Variants in ADGRF3 observed in about 807,000 individuals in gnomAD.
ADGRF3 encodes adhesion G protein-coupled receptor F3.
Under a neutral mutation model 93.2 loss-of-function variants are expected in ADGRF3, and 85 were observed. The ratio of observed to expected loss-of-function variants is 0.91; its 90% confidence interval spans 0.77 to 1.09. ADGRF3 has a LOEUF of 1.09. Ranked by LOEUF, ADGRF3 falls within the 50% of genes least tolerant of loss-of-function variation. The pLI, the probability that ADGRF3 is intolerant of heterozygous loss-of-function variation, is 0.00. For synonymous variants in ADGRF3, 534 were observed against 532.5 expected, an observed-to-expected ratio of 1.00 and a Z score of -0.04; for missense variants, 1,125 against 1,246.2, an observed-to-expected ratio of 0.90 and a Z score of 1.46.
rs919607564 is a variant in ADGRF3, at chr2:26,346,516, TAGG to T, written c.-285_-283del. The T allele has an allele frequency of 1.9e-5, 9 of 484,718 alleles. No homozygotes were observed. Among genetic ancestry groups the T allele is most frequent in the African/African-American group, 1.9e-4 (9 of 48,516 alleles). The allele number at this position is 484,718 out of a possible 1,614,324, so 30.0% of individuals were successfully genotyped here. ...ACCCCCCGGGAGATTTCCTTTTCCT[TAGG>T]AGAGCGCTCAGTGATCATGGAGCGA... is the stretch of plus-strand genomic sequence containing the variant. On this transcript the variant is annotated 5_prime_UTR_variant, in exon 1 of 14. Transcript: ENST00000651242.
chr2:26,313,029 C>T lies in ADGRF3; in HGVS notation c.1363G>A (p.Asp455Asn), dbSNP rs1236433003. ...GQAAEASSPS[D>N]LLTLLSTMKY... Reference sequence around the variant, plus strand: ...ATGGTGCTCAGCAGGGTCAGTAAGTCGGAGGGTGAACTTGCCTCTGCCGCC... The same window carrying T: ...ATGGTGCTCAGCAGGGTCAGTAAGTTGGAGGGTGAACTTGCCTCTGCCGCC... Residue 455 changes from aspartate to asparagine, a missense_variant, in exon 9 of 14, where the codon GAC (aspartate) becomes AAC (asparagine). Coordinates refer to ENST00000651242, the MANE Select transcript of ADGRF3 (RefSeq NM_001321971.2). 3.7e-6 allele frequency: 6 copies of T among 1,613,922 alleles called. No individual in the cohort carries two copies. The African/African-American group carries it at 4.0e-5, about 11-fold the overall frequency.
chr2:26,309,709 T>C (rs1346831053), intron 12 of ADGRF3, 128 bp from the exon 13 acceptor site: 2 of 1,379,534 alleles, frequency 1.4e-6, no homozygotes, highest in African/African-American at 2.9e-5. Context: ...CCTAGAAATT[T>C]TGCTCTCAGC....
At chr2:26,323,146 A>T (rs960126666) in intron 1 of ADGRF3, among the ~76,000 whole-genome samples, 3 of 152,214 alleles carry the variant, frequency 2.0e-5, no homozygotes, top group African/African-American at 7.2e-5. Context: ...CTCAAAAAAA[A>T]ATCTATATAT....
chr2:26,313,564 A>T lies in ADGRF3; in HGVS notation c.1082T>A (p.Ile361Asn), dbSNP rs1386121998. The change falls in exon 8 of 14, where the codon ATC becomes AAC. Residue 361 changes from isoleucine to asparagine, a missense_variant. Ile to Asn is a moderately radical substitution (Grantham distance 149). Transcript: ENST00000651242. ...ISITIIQDGD[I>N]TCPEDASVLT... ...CACCGAGGCGTCCTCAGGGCAGGTG[A>T]TGTCTCCATCTGAAGAATGACGAGC... 1.2e-6 allele frequency: 2 copies of T among 1,605,626 alleles called. No homozygotes were observed. Among genetic ancestry groups the T allele is most frequent in the Non-Finnish European group, 1.7e-6 (2 of 1,177,802 alleles).
At position 26,334,361 on chromosome 2, in the gene ADGRF3, G is replaced by T. The variant is rs542209069; in HGVS notation, c.114+11760C>A. On this transcript the variant is annotated intron_variant, in intron 1 of 13. Transcript: ENST00000651242. ...AATCCTAATTTTCCCTGTGGTTTTTGAGCTATTTTCTTATTTGCAAGCCTT... is the reference window on the plus strand; with the variant it reads ...AATCCTAATTTTCCCTGTGGTTTTTTAGCTATTTTCTTATTTGCAAGCCTT... 7.8e-4 allele frequency among the ~76,000 whole-genome samples: 117 copies of T among 149,574 alleles called. 1 individual carries two copies. The highest frequency in any genetic ancestry group is 2.6e-3 in the African/African-American group (108 of 40,876).
At position 26,311,406 on chromosome 2, in the gene ADGRF3, A is replaced by G; in HGVS notation, c.2118T>C (p.Thr706=). ...VPEEPALALL[T]QVGLGASILA... ...GTATGGAAGCTCCCAAGCCCACTTG[A>G]GTCAGCAGCGCCAGAGCGGGTTCTT... Residue 706 remains threonine (T), a synonymous_variant, in exon 10 of 14, where the codon ACT becomes ACC. Transcript: ENST00000651242. 3.7e-6 allele frequency: 6 copies of G among 1,614,020 alleles called. No homozygotes were observed. The highest frequency in any genetic ancestry group is 5.1e-6 in the Non-Finnish European group (6 of 1,179,902).
rs1016619853 is a variant in ADGRF3 at position 26,346,314 on chromosome 2, T to C, written c.-80A>G. On this transcript the variant is annotated 5_prime_UTR_variant, in exon 1 of 14. Transcript: ENST00000651242. Reference sequence around the variant, plus strand: ...GGTACCGCGGGCCGGCGGATGCCCCTCTCCCTGCTCCCGGCCTCGCCCAGG... The same window carrying C: ...GGTACCGCGGGCCGGCGGATGCCCCCCTCCCTGCTCCCGGCCTCGCCCAGG... 17 of 1,598,636 alleles carry C rather than the reference T, an allele frequency of 1.1e-5. No homozygotes were observed. Among genetic ancestry groups the C allele is most frequent in the Non-Finnish European group, 1.4e-5 (16 of 1,171,070 alleles).
chr2:26,319,561 C>CCCTT (rs1245600091), intron 1 of ADGRF3, among the ~76,000 whole-genome samples: 5 of 36,562 alleles, frequency 1.4e-4, no homozygotes, highest in Non-Finnish European at 3.5e-4. Context: ...CTCCCTCCCT[C>CCCTT]CCTCCCTTCC....
Position 26,309,005 on chromosome 2 carries a change from A to G in ADGRF3, c.*81T>C. 1.3e-6 allele frequency: 2 copies of G among 1,599,880 alleles called. No homozygotes were observed. The highest frequency in any genetic ancestry group is 2.2e-5 in the East Asian group (1 of 44,800). On this transcript the variant is annotated 3_prime_UTR_variant, in exon 14 of 14. Coordinates refer to ENST00000651242, the MANE Select transcript of ADGRF3 (RefSeq NM_001321971.2). ...GAGCTCCGGGAGGCGGGAAGAGTTC[A>G]GAGCATTGGGCCAGGGCTCATCTGG... is the stretch of plus-strand genomic sequence containing the variant.
chr2:26,310,110 G>T lies in ADGRF3; in HGVS notation c.2875-5C>A. On this transcript the variant is annotated splice_region_variant and splice_polypyrimidine_tract_variant and intron_variant, in intron 11 of 13. Coordinates refer to ENST00000651242, the MANE Select transcript of ADGRF3 (RefSeq NM_001321971.2). ...TTTGCGCAAAGCTTCTTGTATCTGC[G>T]GGAGAGGTAAATGCTCTGCTTATGC... The T allele has an allele frequency of 6.2e-7, 1 of 1,614,054 alleles. No homozygotes were observed. The highest frequency in any genetic ancestry group is 8.5e-7 in the Non-Finnish European group (1 of 1,179,904).
Position 26,308,464 on chromosome 2 carries a change from C to A in ADGRF3, c.*622G>T, listed in dbSNP as rs1673738370. ...TATATTAAACTTTAAATTTTTATAA[C>A]CTATTCTTACAACGTGCTCATATCA... is the stretch of plus-strand genomic sequence containing the variant. On this transcript the variant is annotated 3_prime_UTR_variant, in exon 14 of 14. Transcript: ENST00000651242. The A allele has an allele frequency of 6.6e-6, 1 of 151,960 alleles. No homozygotes were observed. The highest frequency in any genetic ancestry group is 1.9e-4 in the East Asian group (1 of 5,194). The allele number at this position is 151,960 out of a possible 1,614,324, so 9.4% of individuals were successfully genotyped here. A position where few individuals can be genotyped will look rare whatever the true frequency, so the allele number is the denominator to read the frequency against.
chr2:26,315,698 C>A lies in ADGRF3; in HGVS notation c.542G>T (p.Gly181Val). ...ATGGAGAGTCAGGCTCAGCGTGTCACCAGGCATCTGCAGCTGGGAGTTCAG... is the reference window on the plus strand; with the variant it reads ...ATGGAGAGTCAGGCTCAGCGTGTCAACAGGCATCTGCAGCTGGGAGTTCAG... ...LNLNSQLQMP[G>V]DTLSLTLHLS... Residue 181 changes from glycine (G) to valine (V), a missense_variant, in exon 5 of 14, where the codon GGT (glycine) becomes GTT (valine). Gly to Val is a moderately radical substitution (Grantham distance 109, BLOSUM62 -3). Coordinates refer to ENST00000651242, the MANE Select transcript of ADGRF3 (RefSeq NM_001321971.2). 6.4e-7 allele frequency: 1 copy of A among 1,551,474 alleles called. No individual in the cohort carries two copies. Among genetic ancestry groups the A allele is most frequent in the Non-Finnish European group, 8.7e-7 (1 of 1,146,988 alleles).
At chr2:26,341,800 G>A (rs909857167) in intron 1 of ADGRF3, among the ~76,000 whole-genome samples, 2 of 151,948 alleles carry the variant, frequency 1.3e-5, no homozygotes, top group African/African-American at 4.8e-5. Context: ...TGAGCTGGGC[G>A]CGGTGGCTCA....
At chr2:26,345,205 T>C (rs1046448346) in intron 1 of ADGRF3, among the ~76,000 whole-genome samples, 3 of 152,262 alleles carry the variant, frequency 2.0e-5, no homozygotes, top group Admixed American at 6.5e-5. Context: ...TATGTGAAGT[T>C]CTCCCCACAG....
chr2:26,319,561 CCCTCCCTTCCTTCCTT>C (rs1329523019), intron 1 of ADGRF3, among the ~76,000 whole-genome samples: 14 of 36,562 alleles, frequency 3.8e-4, no homozygotes, highest in African/African-American at 9.3e-4. Context: ...CTCCCTCCCT[CCCTCCCTTCCTTCCTT>C]CCTTCCTTCC....
Position 26,309,044 on chromosome 2 carries a change from A to G in ADGRF3, c.*42T>C. On this transcript the variant is annotated 3_prime_UTR_variant, in exon 14 of 14. Coordinates refer to ENST00000651242, the MANE Select transcript of ADGRF3 (RefSeq NM_001321971.2). ...GGGCTCATCTGGTGGGTTCAAGCAC[A>G]CAGCCTCAACTCCCTTGCAGGAACA... The G allele has an allele frequency of 6.2e-7, 1 of 1,613,982 alleles. No individual in the cohort carries two copies. Among genetic ancestry groups the G allele is most frequent in the South Asian group, 1.1e-5 (1 of 91,072 alleles).
chr2:26,318,449 A>G (rs1438693960), intron 1 of ADGRF3, among the ~76,000 whole-genome samples: 3 of 152,152 alleles, frequency 2.0e-5, no homozygotes, highest in Non-Finnish European at 2.9e-5. Context: ...AGATATAGAT[A>G]GATTTAGATA....
Position 26,346,351 on chromosome 2 carries a change from C to T in ADGRF3, c.-117G>A. On this transcript the variant is annotated 5_prime_UTR_variant, in exon 1 of 14. Coordinates refer to ENST00000651242, the MANE Select transcript of ADGRF3 (RefSeq NM_001321971.2). ...CGGCCTCGCCCAGGCGGCTGAGGGG[C>T]CCGCGCGGCGCGGTCCGTGTCACCT... The T allele has an allele frequency of 6.5e-7, 1 of 1,539,160 alleles. No homozygotes were observed. Among genetic ancestry groups the T allele is most frequent in the Non-Finnish European group, 8.7e-7 (1 of 1,143,180 alleles).
rs1406899452 is a variant in ADGRF3, at chr2:26,338,213, GA to G, written c.114+7907del. Reference sequence around the variant, plus strand: ...GGAGAAGAGAGGTAGACAGGAGGATGAAAAAAAGATAGAAATATGGCCAGGT... The same window carrying G: ...GGAGAAGAGAGGTAGACAGGAGGATGAAAAAAGATAGAAATATGGCCAGGT... On this transcript the variant is annotated intron_variant, in intron 1 of 13. Coordinates refer to ENST00000651242, the MANE Select transcript of ADGRF3 (RefSeq NM_001321971.2). 5.3e-5 allele frequency among the ~76,000 whole-genome samples: 8 copies of G among 151,996 alleles called. No individual in the cohort carries two copies. The South Asian group carries it at 6.2e-4, about 12-fold the overall frequency.
Sources: gnomAD v4.1 joint callset for allele counts (sites outside exome capture counted in the v4.1 genomes callset) on GRCh38, gnomAD v4.1.1 for gene constraint, MANE v1.5 for transcripts, NCBI Gene and HGNC (gene_info 2026-07-23, HGNC 2026-07-21) for gene names.